The following PTPRG variants were observed in gnomAD, a reference collection of about 807,000 sequenced individuals.
PTPRG encodes receptor-type tyrosine-protein phosphatase gamma.
In PTPRG, 102 loss-of-function variants were observed where a neutral mutation model predicts 165.3. The observed-to-expected ratio is 0.62, with a 90% confidence interval of 0.53 to 0.73. The LOEUF is 0.73. PTPRG is among the 30% of genes least tolerant of loss of function. The probability of loss-of-function intolerance (pLI) is 0.00; values close to 1 mark genes in which losing one functional copy is unlikely to be tolerated. For missense variants in PTPRG, 1,866 were observed against 1,861.4 expected (o/e 1.00, Z -0.05); for synonymous variants, 675 against 669.5 (o/e 1.01, Z -0.13).
chr3:61,748,830 C>T, intron 1 of PTPRG, 48 bp from the exon 2 acceptor site: 1 of 1,482,716 alleles, frequency 6.7e-7, no homozygotes, highest in Non-Finnish European at 9.4e-7. Flanking sequence ...CTTCCTGTAT[C>T]CAGTGGGGTG....
chr3:61,784,635 G>A (rs915122800), intron 2 of PTPRG, among the ~76,000 whole-genome samples: 1 of 152,126 alleles, frequency 6.6e-6, no homozygotes, highest in East Asian at 1.9e-4. Context: ...TATGCATAAC[G>A]CTGGTAGATT....
intron 29 of PTPRG, 80 bp from the exon 30 acceptor site, chr3:62,293,081 C>G (rs866659115): frequency 8.2e-7 from 1 of 1,221,058 alleles, no homozygotes; most frequent in East Asian, 2.5e-5. Flanking sequence ...TTCACAATTA[C>G]CATTTTAATT....
At chr3:62,218,283 GT>G in intron 12 of PTPRG, among the ~76,000 whole-genome samples, 1 of 152,210 alleles carries the variant, frequency 6.6e-6, no homozygotes, top group African/African-American at 2.4e-5. Flanking sequence ...GACTGTGTCT[GT>G]TAGGGAAAGG....
In PTPRG at chr3:62,240,057, A is replaced by G. The variant is rs1325434047; in HGVS notation, c.2376-3750A>G. Among the ~76,000 whole-genome samples, 2 of 152,214 alleles carry G rather than the reference A, an allele frequency of 1.3e-5. No individual in the cohort carries two copies. Among genetic ancestry groups the G allele is most frequent in the African/African-American group, 4.8e-5 (2 of 41,456 alleles). On this transcript the variant is annotated intron_variant, in intron 14 of 29. Coordinates refer to ENST00000474889, the MANE Select transcript of PTPRG (RefSeq NM_002841.4). This position sits in a 1 kb window ranked among gnomAD's most constrained non-coding sequence, Gnocchi z 5.1. Reference sequence around the variant, plus strand: ...CCCCCCAATAGATAGTTATTAAAGGAATAAATTAAATACCAGCATTGTAAT... The same window carrying G: ...CCCCCCAATAGATAGTTATTAAAGGGATAAATTAAATACCAGCATTGTAAT...
intron 2 of PTPRG, among the ~76,000 whole-genome samples, chr3:61,768,358 A>C (rs1007754675): frequency 2.0e-5 from 3 of 152,164 alleles, no homozygotes; most frequent in Admixed American, 1.3e-4. Flanking sequence ...GATTTAAATA[A>C]TTTTCCTGGT....
intron 2 of PTPRG, among the ~76,000 whole-genome samples, chr3:61,851,847 A>AG (rs35476606): frequency 6.6e-6 from 1 of 152,144 alleles, no homozygotes; most frequent in Non-Finnish European, 1.5e-5. Flanking sequence ...AAAAATCAGA[A>AG]GGGGTAGTTC....
intron 5 of PTPRG, chr3:62,124,730 A>G: frequency 1.9e-6 from 1 of 520,016 alleles, no homozygotes; most frequent in Non-Finnish European, 3.4e-6. Flanking sequence ...ACACTGGCTA[A>G]TTTTTAAAAT....
intron 1 of PTPRG, among the ~76,000 whole-genome samples, chr3:61,624,438 CTT>C (rs1246744873): frequency 6.6e-6 from 1 of 152,044 alleles, no homozygotes; most frequent in Non-Finnish European, 1.5e-5. Flanking sequence ...GAAGTATGCT[CTT>C]TTTGATTTTT....
intron 1 of PTPRG, among the ~76,000 whole-genome samples, chr3:61,676,220 G>A (rs1412837330): frequency 6.6e-6 from 1 of 151,860 alleles, no homozygotes; most frequent in Admixed American, 6.6e-5. Context: ...CACTTTGGGA[G>A]GCTGAGGTGG....
chr3:62,046,262 C>T (rs1417642646), intron 4 of PTPRG, among the ~76,000 whole-genome samples: 4 of 48,010 alleles, frequency 8.3e-5, no homozygotes, highest in Admixed American at 2.7e-4. Context: ...TCCCCCAGAG[C>T]GTATCCTTGC....
intron 1 of PTPRG, among the ~76,000 whole-genome samples, chr3:61,591,167 A>G (rs969592857): frequency 4.5e-4 from 68 of 152,234 alleles, no homozygotes; most frequent in African/African-American, 1.5e-3. Flanking sequence ...CAGTCTTTAT[A>G]TGTACCTCCT....
intron 4 of PTPRG, among the ~76,000 whole-genome samples, chr3:62,046,515 G>C (rs1315169585): frequency 1.3e-5 from 2 of 152,128 alleles, no homozygotes; most frequent in Admixed American, 1.3e-4. Flanking sequence ...GTCTGATAGG[G>C]CTTCTTAATC....
chr3:61,865,874 C>G (rs1476182025), intron 2 of PTPRG, among the ~76,000 whole-genome samples: 1 of 152,190 alleles, frequency 6.6e-6, no homozygotes, highest in Non-Finnish European at 1.5e-5. Flanking sequence ...CTAGAAAATG[C>G]TGAGATTCAG....
At chr3:62,162,243 T>C (rs1308313010) in intron 7 of PTPRG, among the ~76,000 whole-genome samples, 1 of 152,218 alleles carries the variant, frequency 6.6e-6, no homozygotes, top group Non-Finnish European at 1.5e-5. Context: ...TAAGTTGAAA[T>C]GATTTATATA....
chr3:62,017,613 A>C (rs1575893420), intron 4 of PTPRG, among the ~76,000 whole-genome samples: 2 of 143,922 alleles, frequency 1.4e-5, no homozygotes, highest in East Asian at 2.0e-4. Context: ...TTTAGTAGAG[A>C]CGGGGTTTCA....
intron 1 of PTPRG, among the ~76,000 whole-genome samples, chr3:61,665,985 T>C: frequency 6.8e-6 from 1 of 147,966 alleles, no homozygotes; most frequent in Admixed American, 6.7e-5. Flanking sequence ...CTTTTTACTT[T>C]TTTTTTTTTT....
At chr3:62,058,265 G>A (rs538292752) in intron 4 of PTPRG, among the ~76,000 whole-genome samples, 5 of 152,278 alleles carry the variant, frequency 3.3e-5, no homozygotes, top group Middle Eastern at 3.4e-3. Flanking sequence ...TCTTATAAGG[G>A]AGCATAAGTT....
chr3:61,830,529 G>A (rs889122550), intron 2 of PTPRG, among the ~76,000 whole-genome samples: 1 of 148,260 alleles, frequency 6.7e-6, no homozygotes, highest in Non-Finnish European at 1.5e-5. Context: ...TTCGACTTAC[G>A]ACTTACTTAA....
intron 1 of PTPRG, among the ~76,000 whole-genome samples, chr3:61,709,790 C>T (rs1433120296): frequency 6.6e-6 from 1 of 152,066 alleles, no homozygotes; most frequent in African/African-American, 2.4e-5. Flanking sequence ...GCAAATTAAC[C>T]ACTGTGCCAG....
Sources: allele counts gnomAD v4.1 joint callset (sites outside exome capture counted in the v4.1 genomes callset), GRCh38; gene constraint gnomAD v4.1.1; non-coding constraint Gnocchi (gnomAD v3.1); transcripts MANE v1.5; gene names NCBI Gene and HGNC (gene_info 2026-07-23, HGNC 2026-07-21).